Variants in EIF4ENIF1 observed in about 807,000 individuals in gnomAD.
EIF4ENIF1 encodes eukaryotic translation initiation factor 4E nuclear import factor 1, also known as eukaryotic translation initiation factor 4E transporter.
A neutral mutation model predicts 110.5 loss-of-function variants in EIF4ENIF1; 23 were observed. The ratio of observed to expected loss-of-function variants is 0.21; its 90% CI spans 0.15 to 0.29. The LOEUF is 0.29. EIF4ENIF1 is among the 10% of genes least tolerant of loss of function. EIF4ENIF1 has a pLI of 1.00. For synonymous variants in EIF4ENIF1, 440 were observed against 437.0 expected, an observed-to-expected ratio of 1.01 and a Z score of -0.09; for missense variants, 1,031 against 1,221.1, an observed-to-expected ratio of 0.84 and a Z score of 2.32.
At chr22:31,461,455 T>C (rs2050991415) in intron 6 of EIF4ENIF1, among the ~76,000 whole-genome samples, 1 of 152,136 alleles carries the variant, frequency 6.6e-6, no homozygotes, top group Admixed American at 6.5e-5. Context: ...TTGGTTTTTT[T>C]GGAGACAGAG....
chr22:31,446,867 T>TTTACCA, intron 14 of EIF4ENIF1: 1 of 291,150 alleles, frequency 3.4e-6, no homozygotes, highest in South Asian at 3.2e-5. Context: ...CATTTTACCA[T>TTTACCA]TTGTTGCAAC....
rs778754756 is a variant in EIF4ENIF1 at position 31,448,238 on chromosome 22, G to A, written c.1769-6C>T. The A allele has an allele frequency of 7.4e-5, 120 of 1,613,894 alleles. No homozygotes were observed. The highest frequency in any genetic ancestry group is 3.3e-4 in the Middle Eastern group (2 of 6,084). ...CTGTGGTCCTGGTGTGAAACCTGTC[G>A]GGAAAGTTAGTCTCAGTGAGTACCA... On this transcript the variant is annotated splice_polypyrimidine_tract_variant and splice_region_variant and intron_variant, in intron 12 of 18. Coordinates refer to ENST00000330125, the MANE Select transcript of EIF4ENIF1 (RefSeq NM_019843.4).
intron 2 of EIF4ENIF1, among the ~76,000 whole-genome samples, chr22:31,474,652 G>A (rs1299736260): frequency 6.6e-6 from 1 of 151,992 alleles, no homozygotes; most frequent in Non-Finnish European, 1.5e-5. Context: ...TTTGCTTGAA[G>A]GCCCTTTCAG....
At chr22:31,456,348 T>G (rs557924010) in intron 7 of EIF4ENIF1, among the ~76,000 whole-genome samples, 3 of 150,600 alleles carry the variant, frequency 2.0e-5, no homozygotes, top group Non-Finnish European at 3.0e-5. Flanking sequence ...CTCAGCCTCC[T>G]GAGTAGCTGG....
chr22:31,471,092 G>C (rs1295215764), intron 3 of EIF4ENIF1, among the ~76,000 whole-genome samples: 1 of 151,844 alleles, frequency 6.6e-6, no homozygotes, highest in Non-Finnish European at 1.5e-5. Flanking sequence ...GAGATTTTCA[G>C]ACCATTTTTA....
chr22:31,447,535 A>G lies in EIF4ENIF1; in HGVS notation c.1879T>C (p.Leu627=), dbSNP rs752754709. 1.1e-5 allele frequency: 17 copies of G among 1,608,802 alleles called. No homozygotes were observed. The South Asian group carries it at 1.9e-4, about 18-fold the overall frequency. Residue 627 remains leucine (L), a synonymous_variant, in exon 14 of 19, where the codon TTA becomes CTA. Transcript: ENST00000330125. The part of the protein sequence containing the change: ...MSQLELQQAA[L]EGLALPHDLA... ...TCATGTGGCAAGGCCAGCCCTTCTA[A>G]AGCTGCCTGTTGCAACTCCAGCTGG... is the stretch of plus-strand genomic sequence containing the variant.
In EIF4ENIF1 at chr22:31,488,706, T is replaced by C. The variant is rs952351806; in HGVS notation, c.13A>G (p.Ser5Gly). The C allele has an allele frequency of 6.2e-7, 1 of 1,614,116 alleles. No homozygotes were observed. The highest frequency in any genetic ancestry group is 8.5e-7 in the Non-Finnish European group (1 of 1,180,008). ...TCTCCACTTTCTGTTTCACCCATAC[T>C]TCTCCTATCCATGGCTCCTTGGTCT... MDRR[S>G]MGETESGDAF... Residue 5 changes from serine to glycine, a missense_variant, in exon 2 of 19, where the codon AGT becomes GGT. Physicochemically the swap from Ser to Gly is moderately conservative, Grantham distance 56 (BLOSUM62 0). This residue lies in a region of EIF4ENIF1 where 704 missense variants were observed against 879.7 expected (regional missense o/e 0.80). Transcript: ENST00000330125.
Position 31,463,671 on chromosome 22 carries a change from A to G in EIF4ENIF1, c.585+10T>C. The G allele has an allele frequency of 1.3e-6, 2 of 1,561,318 alleles. No individual in the cohort carries two copies. The highest frequency in any genetic ancestry group is 1.7e-6 in the Non-Finnish European group (2 of 1,162,018). On this transcript the variant is annotated intron_variant, in intron 5 of 18. Transcript: ENST00000330125. Reference sequence around the variant, plus strand: ...CAATTTAAAAAAAAAAAAAAAAAAAAAAGACAAACCCTGAAACGCTTGTCC... The same window carrying G: ...CAATTTAAAAAAAAAAAAAAAAAAAGAAGACAAACCCTGAAACGCTTGTCC...
intron 14 of EIF4ENIF1, among the ~76,000 whole-genome samples, chr22:31,446,235 A>C (rs993620275): frequency 1.4e-5 from 2 of 140,900 alleles, no homozygotes; most frequent in Non-Finnish European, 3.0e-5. Context: ...CAGTGAGCCA[A>C]GATTGTGCCA....
chr22:31,490,243 G>A (rs2052224086), upstream of EIF4ENIF1, among the ~76,000 whole-genome samples: 1 of 152,236 alleles, frequency 6.6e-6, no homozygotes, highest in Non-Finnish European at 1.5e-5. Context: ...CGGCTAGCAC[G>A]GCCTGTGGCG....
chr22:31,465,340 A>C (rs1215012042), intron 4 of EIF4ENIF1, among the ~76,000 whole-genome samples: 1 of 151,932 alleles, frequency 6.6e-6, no homozygotes, highest in Non-Finnish European at 1.5e-5. Context: ...AAAAAAAAAA[A>C]ACCAACACAA....
Position 31,448,146 on chromosome 22 carries a change from G to A in EIF4ENIF1, c.1848+7C>T, listed in dbSNP as rs1271660813. The A allele has an allele frequency of 6.2e-7, 1 of 1,613,978 alleles. No homozygotes were observed. Among genetic ancestry groups the A allele is most frequent in the Non-Finnish European group, 8.5e-7 (1 of 1,179,950 alleles). ...AAGAGATTGAGTTTGAGAAAGCTCA[G>A]CCTGACCTGGGCTGTGATGGGGCTC... On this transcript the variant is annotated splice_region_variant and intron_variant, in intron 13 of 18. Coordinates refer to ENST00000330125, the MANE Select transcript of EIF4ENIF1 (RefSeq NM_019843.4).
At chr22:31,469,208 C>T (rs1601619555) in intron 3 of EIF4ENIF1, among the ~76,000 whole-genome samples, 2 of 152,144 alleles carry the variant, frequency 1.3e-5, no homozygotes, top group East Asian at 3.8e-4. Flanking sequence ...GTTTTGCCAC[C>T]ACTACTGGGA....
chr22:31,483,356 A>G (rs2051901017), intron 2 of EIF4ENIF1, among the ~76,000 whole-genome samples: 1 of 151,370 alleles, frequency 6.6e-6, no homozygotes, highest in South Asian at 2.1e-4. Flanking sequence ...ATACGCCACC[A>G]TACCTAGCTA....
chr22:31,463,869 A>C lies in EIF4ENIF1; in HGVS notation c.397T>G (p.Ser133Ala). 2 of 1,614,108 alleles carry C rather than the reference A, an allele frequency of 1.2e-6. No individual in the cohort carries two copies. Among genetic ancestry groups the C allele is most frequent in the Non-Finnish European group, 1.7e-6 (2 of 1,180,038 alleles). Residue 133 changes from serine (S) to alanine (A), a missense_variant, in exon 5 of 19, where the codon TCC becomes GCC. Around this residue, in one of 3 missense-constraint regions of EIF4ENIF1, gnomAD observed 704 missense variants for 879.7 expected, o/e 0.80. Coordinates refer to ENST00000330125, the MANE Select transcript of EIF4ENIF1 (RefSeq NM_019843.4). Reference protein sequence around the residue: ...GGCHVTAAVSSRRSGSPLEKD... With the variant: ...GGCHVTAAVSARRSGSPLEKD... ...TCTAATGGACTTCCTGAGCGCCGGG[A>C]GCTAACAGCGGCTGTCACGTGGCAG... is the stretch of plus-strand genomic sequence containing the variant.
chr22:31,440,036 C>A lies in EIF4ENIF1; in HGVS notation c.2802G>T (p.Leu934=), dbSNP rs2050242645. The part of the protein sequence containing the change: ...TPQNVPSRSG[L]PHMHSQLEHR... Reference sequence around the variant, plus strand: ...GCTCCAGCTGGGAGTGCATGTGGGGCAGGCCTGACCGGCTGGGCACGTTCT... The same window carrying A: ...GCTCCAGCTGGGAGTGCATGTGGGGAAGGCCTGACCGGCTGGGCACGTTCT... Residue 934 remains leucine (L), a synonymous_variant, in exon 19 of 19, where the codon CTG becomes CTT. Coordinates refer to ENST00000330125, the MANE Select transcript of EIF4ENIF1 (RefSeq NM_019843.4). The A allele has an allele frequency of 1.2e-6, 2 of 1,613,770 alleles. No individual in the cohort carries two copies. Among genetic ancestry groups the A allele is most frequent in the African/African-American group, 1.3e-5 (1 of 74,910 alleles).
rs542493499 is a variant in EIF4ENIF1 at position 31,454,251 on chromosome 22, C to T, written c.1405G>A (p.Val469Ile). The T allele has an allele frequency of 2.4e-5, 39 of 1,614,092 alleles. No individual in the cohort carries two copies. In the African/African-American group the frequency reaches 2.9e-4, roughly 12 times the overall value. ...AEHLEETLSA[V>I]TNNRQLKKDG... ...TTCTTCAGTTGTCGATTGTTGGTTA[C>T]GGCACTCAAGGTCTCTTCTAGGTGT... Residue 469 changes from valine (V) to isoleucine (I), a missense_variant, in exon 10 of 19, where the codon GTA (valine) becomes ATA (isoleucine). Physicochemically the swap from Val to Ile is conservative, Grantham distance 29. Coordinates refer to ENST00000330125, the MANE Select transcript of EIF4ENIF1 (RefSeq NM_019843.4).
Position 31,443,768 on chromosome 22 carries a change from G to A in EIF4ENIF1, c.2074-674C>T, listed in dbSNP as rs563799238. ...TTTTTTTTTTTCCTTCTTCTCTATC[G>A]GCTTTGATTAGATGATAAAGATTTG... On this transcript the variant is annotated intron_variant, in intron 15 of 18. Transcript: ENST00000330125. Among the ~76,000 whole-genome samples the A allele has an allele frequency of 7.3e-5, 11 of 151,440 alleles. No individual in the cohort carries two copies. The South Asian group carries it at 2.1e-3, about 29-fold the overall frequency.
upstream of EIF4ENIF1, among the ~76,000 whole-genome samples, chr22:31,490,643 C>G (rs1035581127): frequency 2.6e-5 from 4 of 152,138 alleles, no homozygotes; most frequent in African/African-American, 9.7e-5. Context: ...CGGCGAATGT[C>G]AAGTGCTTAC....
Sources: gnomAD v4.1 joint callset for allele counts (sites outside exome capture counted in the v4.1 genomes callset) on GRCh38, gnomAD v4.1.1 for gene constraint, gnomAD v4.1.1 regional missense constraint, MANE v1.5 for transcripts, NCBI Gene and HGNC (gene_info 2026-07-23, HGNC 2026-07-21) for gene names.